UGT2A2: variants seen among roughly 807,000 people sequenced by gnomAD.
UGT2A2 encodes UDP glucuronosyltransferase family 2 member A2.
UGT2A2 carries 60 observed loss-of-function variants against 50.7 expected under a neutral mutation model. That is an observed-to-expected ratio of 1.18 (90% CI 0.96 to 1.47). The LOEUF (loss-of-function observed/expected upper bound fraction) is 1.47, where lower values mean the gene tolerates loss of function less well. UGT2A2 is among the 40% of genes most tolerant of loss of function. The probability of loss-of-function intolerance (pLI) is 0.00; values close to 1 mark genes in which losing one functional copy is unlikely to be tolerated. For synonymous variants in UGT2A2, 242 were observed against 214.6 expected, an observed-to-expected ratio of 1.13 and a Z score of -1.11; for missense variants, 762 against 634.0, an observed-to-expected ratio of 1.20 and a Z score of -2.17.
At chr4:69,629,833 T>C (rs1721288008) in intron 1 of UGT2A2, among the ~76,000 whole-genome samples, 1 of 152,104 alleles carries the variant, frequency 6.6e-6, no homozygotes, top group African/African-American at 2.4e-5. Flanking sequence ...AGCTTCTGAG[T>C]CCTGTGAGTC....
chr4:69,595,417 T>C (rs917560665), intron 3 of UGT2A2, among the ~76,000 whole-genome samples, 168 bp from the exon 4 acceptor site: 6 of 152,210 alleles, frequency 3.9e-5, no homozygotes, highest in Admixed American at 3.3e-4. Flanking sequence ...ATGTACCTTT[T>C]TGTAAAGTCT....
chr4:69,619,014 G>T (rs777047068), intron 1 of UGT2A2, among the ~76,000 whole-genome samples: 1 of 151,614 alleles, frequency 6.6e-6, no homozygotes. Flanking sequence ...ATGGAAAAAA[G>T]TTATATATTA....
rs1428201355 is a variant in UGT2A2, at chr4:69,594,518, C to T, written c.1290G>A (p.Val430=). The change falls in exon 5 of 6, where the codon GTG becomes GTA. Residue 430 remains valine, a synonymous_variant. Coordinates refer to ENST00000604629, the MANE Select transcript of UGT2A2 (RefSeq NM_001105677.2). ...VEVNLNTMTS[V]DLLSALRTVI... ...CTGTTCTCAAAGCGCTAAGCAAATC[C>T]ACACTTGTCATTGTGTTTAGGTTCA... 2.5e-6 allele frequency: 4 copies of T among 1,614,118 alleles called. No individual in the cohort carries two copies. The highest frequency in any genetic ancestry group is 1.7e-5 in the Admixed American group (1 of 60,008).
At chr4:69,590,249 T>C (rs1166078211) in intron 5 of UGT2A2, among the ~76,000 whole-genome samples, 3 of 152,308 alleles carry the variant, frequency 2.0e-5, no homozygotes, top group African/African-American at 4.8e-5. Flanking sequence ...TCCAAGTACA[T>C]GAACTTTGAT....
In UGT2A2 at chr4:69,596,306, G is replaced by C; in HGVS notation, c.967C>G (p.Leu323Val). ...VFSLGSMVKN[L>V]TEEKANLIAS... ...ATAAGATTGGCCTTTTCTTCTGTAA[G>C]GTTTTTGACCATTGATCCCAGAGAA... The change falls in exon 3 of 6, where the codon CTT becomes GTT. Residue 323 changes from leucine to valine, a missense_variant. Coordinates refer to ENST00000604629, the MANE Select transcript of UGT2A2 (RefSeq NM_001105677.2). 5 of 1,607,742 alleles carry C rather than the reference G, an allele frequency of 3.1e-6. No homozygotes were observed. Among genetic ancestry groups the C allele is most frequent in the Non-Finnish European group, 4.3e-6 (5 of 1,176,192 alleles).
intron 1 of UGT2A2, among the ~76,000 whole-genome samples, chr4:69,607,662 T>A (rs1326852447): frequency 6.6e-6 from 1 of 152,042 alleles, no homozygotes. Flanking sequence ...ATTTTTGCAA[T>A]CTACTCATCT....
At chr4:69,606,373 CG>C (rs1719613001) in intron 1 of UGT2A2, among the ~76,000 whole-genome samples, 1 of 136,386 alleles carries the variant, frequency 7.3e-6, no homozygotes, top group Non-Finnish European at 1.6e-5. Context: ...AATTCAACAA[CG>C]CTTCATGCTA....
chr4:69,634,167 C>T (rs1407620649), intron 1 of UGT2A2, among the ~76,000 whole-genome samples: 5 of 152,024 alleles, frequency 3.3e-5, no homozygotes, highest in Admixed American at 3.3e-4. Context: ...ATGGCGTGAA[C>T]CCGGGAGGCG....
At position 69,639,142 on chromosome 4, in the gene UGT2A2, G is replaced by T; in HGVS notation, c.499C>A (p.Leu167Ile). Residue 167 changes from leucine to isoleucine, a missense_variant, in exon 1 of 6, where the codon CTT becomes ATT. By Grantham distance (5) the Leu-to-Ile change is conservative. Coordinates refer to ENST00000604629, the MANE Select transcript of UGT2A2 (RefSeq NM_001105677.2). ...GGAATTCCTAATTTCAGAGCAACAA[G>T]ATCACCACAGATTGTTACTGGGTCT... The part of the protein sequence containing the change: ...VADPVTICGD[L>I]VALKLGIPFM... 6.2e-7 allele frequency: 1 copy of T among 1,613,626 alleles called. No homozygotes were observed. The highest frequency in any genetic ancestry group is 1.1e-5 in the South Asian group (1 of 91,036).
chr4:69,594,802 A>C, intron 4 of UGT2A2, 106 bp from the exon 5 acceptor site: 25 of 1,343,726 alleles, frequency 1.9e-5, no homozygotes, highest in Non-Finnish European at 2.5e-5. Context: ...CTAAAGAAGG[A>C]TACGTTTTCT....
chr4:69,638,260 G>A (rs10518063), intron 1 of UGT2A2, among the ~76,000 whole-genome samples: 1 of 151,948 alleles, frequency 6.6e-6, no homozygotes, highest in Non-Finnish European at 1.5e-5. Context: ...ATAAAAGCCA[G>A]GAAAAATAAG....
At position 69,589,323 on chromosome 4, in the gene UGT2A2, C is replaced by T; in HGVS notation, c.*49G>A. The T allele has an allele frequency of 6.6e-7, 1 of 1,519,146 alleles. No homozygotes were observed. Among genetic ancestry groups the T allele is most frequent in the Non-Finnish European group, 8.8e-7 (1 of 1,133,734 alleles). 94.1% of individuals were successfully genotyped at this position (1,519,146 alleles called of 1,614,324 possible). The stretch of plus-strand genomic sequence containing the variant: ...CTGGAATTAATAGGACTACACTACT[C>T]AGGATTTTGCCAAACTTAAAAATAT... On this transcript the variant is annotated 3_prime_UTR_variant, in exon 6 of 6. Coordinates refer to ENST00000604629, the MANE Select transcript of UGT2A2 (RefSeq NM_001105677.2).
intron 1 of UGT2A2, among the ~76,000 whole-genome samples, chr4:69,607,923 G>A (rs1340174358): frequency 6.6e-6 from 1 of 152,158 alleles, no homozygotes; most frequent in Non-Finnish European, 1.5e-5. Context: ...GGAAACAACA[G>A]GTGCTGGAGA....
chr4:69,639,159 A>C lies in UGT2A2; in HGVS notation c.482T>G (p.Val161Gly). 6.2e-7 allele frequency: 1 copy of C among 1,613,696 alleles called. No homozygotes were observed. The highest frequency in any genetic ancestry group is 8.5e-7 in the Non-Finnish European group (1 of 1,179,748). Residue 161 changes from valine (V) to glycine (G), a missense_variant, in exon 1 of 6, where the codon GTA becomes GGA. By Grantham distance (109) the Val-to-Gly change is moderately radical. Coordinates refer to ENST00000604629, the MANE Select transcript of UGT2A2 (RefSeq NM_001105677.2). ...AGCAACAAGATCACCACAGATTGTT[A>C]CTGGGTCTGCTACCAACACATCAAA... ...GGFDVLVADPVTICGDLVALK... is the reference protein window; with the variant it reads ...GGFDVLVADPGTICGDLVALK...
chr4:69,594,446 T>C, intron 5 of UGT2A2, 31 bp downstream of exon 5: 7 of 1,605,562 alleles, frequency 4.4e-6, no homozygotes, highest in Non-Finnish European at 5.9e-6. Context: ...TAATTAAAGT[T>C]AGGCAAGTTT....
At chr4:69,626,988 A>T (rs115345180) in intron 1 of UGT2A2, among the ~76,000 whole-genome samples, 2 of 151,740 alleles carry the variant, frequency 1.3e-5, no homozygotes, top group Admixed American at 6.6e-5. Flanking sequence ...TTAAAATTAA[A>T]CACTTCTCCA....
At chr4:69,616,081 T>G (rs1183180126) in intron 1 of UGT2A2, among the ~76,000 whole-genome samples, 1 of 151,796 alleles carries the variant, frequency 6.6e-6, no homozygotes. Flanking sequence ...GAATCTAGAG[T>G]TTCCTCCAGT....
chr4:69,620,702 G>A (rs1314859026), intron 1 of UGT2A2, among the ~76,000 whole-genome samples: 1 of 145,008 alleles, frequency 6.9e-6, no homozygotes, highest in African/African-American at 2.5e-5. Context: ...TAAACAAAAA[G>A]AACGAAGATG....
chr4:69,618,205 G>GTGTGTGTATGTT (rs1553905689), intron 1 of UGT2A2, among the ~76,000 whole-genome samples: 144 of 87,974 alleles, frequency 1.6e-3, no homozygotes, highest in African/African-American at 5.9e-3. Context: ...GTGTGTGTGT[G>GTGTGTGTATGTT]TGTGTGTGTG....
Sources: allele counts gnomAD v4.1 joint callset (sites outside exome capture counted in the v4.1 genomes callset), GRCh38; gene constraint gnomAD v4.1.1; transcripts MANE v1.5; gene names NCBI Gene and HGNC (gene_info 2026-07-23, HGNC 2026-07-21).